Variants in PYHIN1 observed in about 807,000 individuals in gnomAD.
The protein encoded by PYHIN1 is pyrin and HIN domain family member 1, also known as pyrin and HIN domain-containing protein 1.
Under a neutral mutation model 43.7 loss-of-function variants are expected in PYHIN1, and 32 were observed. The observed-to-expected ratio is 0.73, with a 90% CI of 0.55 to 0.98. The LOEUF (loss-of-function observed/expected upper bound fraction) is 0.98, where lower values mean the gene tolerates loss of function less well. Among genes scored for constraint, PYHIN1 ranks in the 50% least tolerant of loss-of-function variants. The pLI is 0.00. For synonymous variants in PYHIN1, 205 were observed against 203.1 expected (o/e 1.01, Z -0.08); for missense variants, 588 against 589.5 (o/e 1.00, Z 0.03).
intron 7 of PYHIN1, among the ~76,000 whole-genome samples, chr1:158,952,108 G>GTTTTTT (rs35079460): frequency 1.7e-5 from 2 of 118,116 alleles, no homozygotes. Context: ...GCCTGTGTCG[G>GTTTTTT]TTTTTTTTTT....
chr1:158,951,781 G>A (rs1649544143), intron 7 of PYHIN1, among the ~76,000 whole-genome samples: 1 of 152,178 alleles, frequency 6.6e-6, no homozygotes, highest in South Asian at 2.1e-4. Context: ...GGGGAGCAAA[G>A]TTTGCTCTTA....
intron 7 of PYHIN1, among the ~76,000 whole-genome samples, chr1:158,953,205 G>C (rs1406007207): frequency 7.0e-6 from 1 of 143,484 alleles, no homozygotes; most frequent in Non-Finnish European, 1.5e-5. Flanking sequence ...AGGCTTATTA[G>C]GTAAACAAAG....
In PYHIN1 at chr1:158,936,560, G is replaced by A. The variant is rs542186309; in HGVS notation, c.-20-331G>A. Among the ~76,000 whole-genome samples the A allele has an allele frequency of 4.6e-5, 7 of 152,088 alleles. No individual in the cohort carries two copies. The East Asian group carries it at 9.7e-4, about 21-fold the overall frequency. ...GTTCAACATACAAAAATCAATAAAC[G>A]TAATCCAGCATATAAACAGAACCAA... On this transcript the variant is annotated intron_variant, in intron 1 of 8. Transcript: ENST00000368140.
chr1:158,939,740 A>G, intron 4 of PYHIN1: 2 of 555,318 alleles, frequency 3.6e-6, no homozygotes, highest in Admixed American at 3.1e-5. Context: ...TTAAATCTTC[A>G]TGGTGTTCTG....
chr1:158,960,059 A>G (rs1300323056), intron 7 of PYHIN1, among the ~76,000 whole-genome samples: 1 of 152,200 alleles, frequency 6.6e-6, no homozygotes, highest in Admixed American at 6.5e-5. Context: ...AGACACCTCC[A>G]CCACCTTATA....
chr1:158,970,537 A>T (rs912905797), intron 7 of PYHIN1, among the ~76,000 whole-genome samples: 97 of 152,104 alleles, frequency 6.4e-4, no homozygotes, highest in African/African-American at 2.2e-3. Flanking sequence ...GTAATATCTG[A>T]TCTTATCAGT....
intron 1 of PYHIN1, among the ~76,000 whole-genome samples, chr1:158,934,816 G>A (rs188256550): frequency 8.5e-5 from 13 of 152,196 alleles, no homozygotes; most frequent in East Asian, 7.7e-4. Context: ...TGCACCTCCC[G>A]GGTTCAAGCA....
At chr1:158,961,477 A>G (rs1232673686) in intron 7 of PYHIN1, among the ~76,000 whole-genome samples, 1 of 152,124 alleles carries the variant, frequency 6.6e-6, no homozygotes, top group Non-Finnish European at 1.5e-5. Flanking sequence ...GAGAGTAGCA[A>G]GTAAATGCTA....
chr1:158,982,357 A>G, the PYHIN1 span, among the ~76,000 whole-genome samples: 2 of 152,154 alleles, frequency 1.3e-5, no homozygotes, highest in African/African-American at 4.8e-5. Flanking sequence ...TTTTCTGTAT[A>G]TAACCAGCCA....
At chr1:158,981,944 T>G (rs1651497210), downstream of PYHIN1, among the ~76,000 whole-genome samples, 1 of 152,212 alleles carries the variant, frequency 6.6e-6, no homozygotes, top group Non-Finnish European at 1.5e-5. Context: ...GATCCTCTTT[T>G]GAGAAAGATC....
In PYHIN1 at chr1:158,939,099, A is replaced by G. The variant is rs367857336; in HGVS notation, c.431A>G (p.Glu144Gly). The change falls in exon 4 of 9, where the codon GAA becomes GGA. Residue 144 changes from glutamate (E) to glycine (G), a missense_variant. By Grantham distance (98) the Glu-to-Gly change is moderately conservative. Coordinates refer to ENST00000368140, the MANE Select transcript of PYHIN1 (RefSeq NM_152501.5). ...TTGTAGAAAAGAAAAAAACCATCTG[A>G]AGAAGAGACTGGAACCAAAAGGAGT... is the stretch of plus-strand genomic sequence containing the variant. ...LGPQKRKKPS[E>G]EETGTKRSKM... is the part of the protein sequence containing the mutation. The G allele has an allele frequency of 2.5e-5, 40 of 1,593,284 alleles. No homozygotes were observed. Among genetic ancestry groups the G allele is most frequent in the Non-Finnish European group, 3.2e-5 (38 of 1,174,660 alleles).
chr1:158,967,605 T>C (rs1441949731), intron 7 of PYHIN1, among the ~76,000 whole-genome samples: 4 of 152,086 alleles, frequency 2.6e-5, no homozygotes, highest in Non-Finnish European at 5.9e-5. Flanking sequence ...TTAAAATTTA[T>C]ATAAAACCAA....
chr1:158,979,181 A>C (rs1302698895), downstream of PYHIN1, among the ~76,000 whole-genome samples: 2 of 152,170 alleles, frequency 1.3e-5, no homozygotes, highest in African/African-American at 4.8e-5. Flanking sequence ...TCAACCACTT[A>C]ACAAATTTCA....
At chr1:158,944,120 TTAAA>T (rs146800527) in intron 6 of PYHIN1, 142 bp downstream of exon 6, 51,956 of 478,970 alleles carry the variant, frequency 0.11, 3,279 homozygotes, top group Non-Finnish European at 0.12. Context: ...GCGCTTACAT[TTAAA>T]TAGAGAAAAT....
At chr1:158,950,044 T>C (rs1275894992) in intron 7 of PYHIN1, among the ~76,000 whole-genome samples, 2 of 152,140 alleles carry the variant, frequency 1.3e-5, no homozygotes, top group East Asian at 1.9e-4. Flanking sequence ...TGTGTGCCAT[T>C]ATTGAGAGAC....
At chr1:158,973,990 G>T (rs1007592538) in intron 8 of PYHIN1, among the ~76,000 whole-genome samples, 1 of 151,908 alleles carries the variant, frequency 6.6e-6, no homozygotes, top group Non-Finnish European at 1.5e-5. Context: ...CTGTCTTCAG[G>T]AAGATTACTG....
At chr1:158,956,084 C>T (rs938023016) in intron 7 of PYHIN1, among the ~76,000 whole-genome samples, 31 of 145,364 alleles carry the variant, frequency 2.1e-4, no homozygotes, top group Non-Finnish European at 4.0e-4. Flanking sequence ...AGACCAATAA[C>T]AGGAGCTGAA....
rs989777146 is a variant in PYHIN1, at chr1:158,945,008, C to T, written c.1325C>T (p.Pro442Leu). The change falls in exon 7 of 9, where the codon CCA becomes CTA. Residue 442 changes from proline (P) to leucine (L), a missense_variant. Transcript: ENST00000368140. ...PESHLKTPQM[P>L]PTTPSSSSFT... The stretch of plus-strand genomic sequence containing the variant: ...AGCCATCTCAAGACTCCTCAGATGC[C>T]ACCAACAACCCCATCCAGCAGTTCC... 1 of 1,613,594 alleles carries T rather than the reference C, an allele frequency of 6.2e-7. No homozygotes were observed. The highest frequency in any genetic ancestry group is 8.5e-7 in the Non-Finnish European group (1 of 1,179,774).
At chr1:158,965,698 A>G (rs546884695) in intron 7 of PYHIN1, among the ~76,000 whole-genome samples, 1 of 152,306 alleles carries the variant, frequency 6.6e-6, no homozygotes, top group East Asian at 1.9e-4. Context: ...AATGAGAACA[A>G]AGATAAAATA....
Sources: gnomAD v4.1 joint callset for allele counts (sites outside exome capture counted in the v4.1 genomes callset) on GRCh38, gnomAD v4.1.1 for gene constraint, MANE v1.5 for transcripts, NCBI Gene and HGNC (gene_info 2026-07-23, HGNC 2026-07-21) for gene names.